The following BOLL variants were observed in gnomAD, a reference collection of about 807,000 sequenced individuals.
BOLL encodes the protein protein boule-like.
Under a neutral mutation model 44.4 loss-of-function variants are expected in BOLL, and 23 were observed. That is an observed-to-expected ratio of 0.52 (90% CI 0.37 to 0.73). The LOEUF is 0.73. BOLL is among the 30% of genes least tolerant of loss of function. The pLI, the probability that BOLL is intolerant of heterozygous loss-of-function variation, is 0.00. For missense variants in BOLL, 287 were observed against 338.3 expected, an observed-to-expected ratio of 0.85 and a Z score of 1.19; for synonymous variants, 97 against 110.8, an observed-to-expected ratio of 0.88 and a Z score of 0.78.
chr2:197,768,513 C>T (rs1009209877), intron 6 of BOLL, among the ~76,000 whole-genome samples: 3 of 151,352 alleles, frequency 2.0e-5, no homozygotes, highest in African/African-American at 7.3e-5. Flanking sequence ...ACAAATACAC[C>T]AATGGAACAA....
At chr2:197,729,600 A>C (rs540935502) in intron 10 of BOLL, among the ~76,000 whole-genome samples, 1 of 152,232 alleles carries the variant, frequency 6.6e-6, no homozygotes, top group Admixed American at 6.5e-5. Context: ...TTTTCCCAGC[A>C]TGCAGCTGGA....
chr2:197,757,461 A>T (rs1458100182), intron 7 of BOLL, 61 bp from the exon 8 acceptor site: 2 of 1,450,076 alleles, frequency 1.4e-6, no homozygotes. Context: ...TTAAAACTAG[A>T]TATCTACAGG....
chr2:197,735,656 T>C (rs1341860474), intron 10 of BOLL, among the ~76,000 whole-genome samples: 2 of 152,152 alleles, frequency 1.3e-5, no homozygotes, highest in African/African-American at 2.4e-5. Flanking sequence ...ATTATTTCTA[T>C]AACTTCTCAG....
At chr2:197,779,148 A>C in intron 2 of BOLL, 82 bp from the exon 3 acceptor site, 1 of 1,038,758 alleles carries the variant, frequency 9.6e-7, no homozygotes, top group Non-Finnish European at 1.4e-6. Context: ...CTGGAGACAG[A>C]AAAAGTTATA....
chr2:197,730,961 C>T (rs1687138951), intron 10 of BOLL, among the ~76,000 whole-genome samples: 1 of 151,374 alleles, frequency 6.6e-6, no homozygotes, highest in African/African-American at 2.4e-5. Context: ...TCACACATAA[C>T]AATATTAACT....
At chr2:197,747,473 C>T (rs1415842920) in intron 9 of BOLL, among the ~76,000 whole-genome samples, 1 of 148,624 alleles carries the variant, frequency 6.7e-6, no homozygotes, top group East Asian at 2.0e-4. Flanking sequence ...GTCCCAGCTA[C>T]TTGGGAGGCT....
intron 9 of BOLL, among the ~76,000 whole-genome samples, chr2:197,752,287 A>G (rs1227071173): frequency 6.6e-6 from 1 of 152,232 alleles, no homozygotes; most frequent in Non-Finnish European, 1.5e-5. Context: ...ACAGTATTGG[A>G]AGTTCTGGCC....
chr2:197,781,609 A>G (rs1689786088), intron 2 of BOLL, 113 bp downstream of exon 2: 1 of 1,078,876 alleles, frequency 9.3e-7, no homozygotes, highest in Admixed American at 2.6e-5. Context: ...ATAATTCAAA[A>G]TCTGTTAATC....
chr2:197,752,494 G>T (rs1221245161), intron 9 of BOLL, among the ~76,000 whole-genome samples: 2 of 151,950 alleles, frequency 1.3e-5, no homozygotes, highest in Admixed American at 1.3e-4. Flanking sequence ...CAAGCATTCA[G>T]CATTCCTATA....
chr2:197,781,147 T>C (rs1446168949), intron 2 of BOLL, among the ~76,000 whole-genome samples: 1 of 151,310 alleles, frequency 6.6e-6, no homozygotes, highest in Admixed American at 6.6e-5. Flanking sequence ...CGAATAGTTA[T>C]TTTTTTTTCT....
At chr2:197,739,589 T>G (rs1186978504) in intron 10 of BOLL, among the ~76,000 whole-genome samples, 1 of 152,158 alleles carries the variant, frequency 6.6e-6, no homozygotes, top group African/African-American at 2.4e-5. Context: ...CCTCCCAAAG[T>G]GCTGGGATTG....
In BOLL at chr2:197,770,371, T is replaced by A. The variant is rs1345001848; in HGVS notation, c.480+1484A>T. Among the ~76,000 whole-genome samples, 3 of 152,154 alleles carry A rather than the reference T, an allele frequency of 2.0e-5. No individual in the cohort carries two copies. In the East Asian group the frequency reaches 5.8e-4, roughly 29 times the overall value. ...CAAGATAGATTAAAGACTTCAAATG[T>A]TAGACCCAAAACCATAAAAACCCTA... On this transcript the variant is annotated intron_variant, in intron 6 of 10. Transcript: ENST00000392296.
intron 10 of BOLL, among the ~76,000 whole-genome samples, chr2:197,729,395 C>T (rs1339777708): frequency 6.6e-6 from 1 of 152,186 alleles, no homozygotes; most frequent in Admixed American, 6.5e-5. Flanking sequence ...GGGAGGGGCG[C>T]CCGCCATTGC....
At chr2:197,742,882 TAAAA>T (rs1410457285) in intron 10 of BOLL, among the ~76,000 whole-genome samples, 175 bp downstream of exon 10, 3 of 152,012 alleles carry the variant, frequency 2.0e-5, no homozygotes, top group Non-Finnish European at 4.4e-5. Context: ...CCACAATAAA[TAAAA>T]AAGTTAATAG....
intron 9 of BOLL, among the ~76,000 whole-genome samples, chr2:197,747,955 G>A (rs917007680): frequency 6.6e-6 from 1 of 152,170 alleles, no homozygotes; most frequent in African/African-American, 2.4e-5. Context: ...GAGGTCCAGG[G>A]CAAGATGGCC....
intron 10 of BOLL, among the ~76,000 whole-genome samples, chr2:197,740,242 G>A (rs992685849): frequency 1.3e-5 from 2 of 152,096 alleles, no homozygotes; most frequent in African/African-American, 4.8e-5. Context: ...CAACACATAG[G>A]ATGGGCCAGA....
At chr2:197,785,645 C>T (rs991225270), upstream of BOLL, among the ~76,000 whole-genome samples, 1 of 152,196 alleles carries the variant, frequency 6.6e-6, no homozygotes, top group South Asian at 2.1e-4. The surrounding 1 kb of genome is among the most constrained non-coding windows in gnomAD (Gnocchi z 6.7). Flanking sequence ...GCTGCCTAGC[C>T]CAATTTCGGC....
intron 9 of BOLL, among the ~76,000 whole-genome samples, chr2:197,753,543 C>A (rs1048756015): frequency 2.0e-5 from 3 of 152,188 alleles, no homozygotes; most frequent in African/African-American, 7.2e-5. Flanking sequence ...AAAAGCTCAT[C>A]ATCACTGGTC....
intron 10 of BOLL, among the ~76,000 whole-genome samples, chr2:197,735,597 G>T (rs186513482): frequency 8.5e-4 from 130 of 152,206 alleles, no homozygotes; most frequent in African/African-American, 3.0e-3. Flanking sequence ...TCCTGTGCCT[G>T]TGCCCTCTAG....
Sources: allele counts gnomAD v4.1 joint callset (sites outside exome capture counted in the v4.1 genomes callset), GRCh38; gene constraint gnomAD v4.1.1; non-coding constraint Gnocchi (gnomAD v3.1); transcripts MANE v1.5; gene names NCBI Gene and HGNC (gene_info 2026-07-23, HGNC 2026-07-21).